CFAP77: variants seen among roughly 807,000 people sequenced by gnomAD.
CFAP77 encodes the protein cilia and flagella associated protein 77, also known as cilia- and flagella-associated protein 77.
A neutral mutation model predicts 31.1 loss-of-function variants in CFAP77; 25 were observed. That is an observed-to-expected ratio of 0.80 (90% CI 0.59 to 1.12). CFAP77 has a LOEUF of 1.12. Ranked by LOEUF, CFAP77 falls within the 50% of genes most tolerant of loss-of-function variation. CFAP77 has a pLI of 0.00. For missense variants in CFAP77, 377 were observed against 397.3 expected (o/e 0.95, Z 0.44); for synonymous variants, 151 against 159.9 (o/e 0.94, Z 0.42).
chr9:132,486,014 A>ATATATATATGTATG (rs1564222917), intron 1 of CFAP77, among the ~76,000 whole-genome samples: 4 of 15,132 alleles, frequency 2.6e-4, no homozygotes, highest in Admixed American at 1.0e-3. Context: ...ATATATATAT[A>ATATATATATGTATG]TATATATATA....
chr9:132,483,168 G>A (rs944130186), intron 1 of CFAP77, among the ~76,000 whole-genome samples: 1 of 152,116 alleles, frequency 6.6e-6, no homozygotes, highest in Non-Finnish European at 1.5e-5. Flanking sequence ...CTACTCAGGA[G>A]GCTGAGGCAG....
At chr9:132,474,361 C>T (rs1851311976) in intron 1 of CFAP77, among the ~76,000 whole-genome samples, 2 of 152,144 alleles carry the variant, frequency 1.3e-5, no homozygotes, top group Admixed American at 6.5e-5. Flanking sequence ...CACTCGTTCA[C>T]CCAAACACGT....
At chr9:132,463,830 C>T (rs893072534) in intron 1 of CFAP77, among the ~76,000 whole-genome samples, 4 of 152,202 alleles carry the variant, frequency 2.6e-5, no homozygotes, top group Non-Finnish European at 4.4e-5. Flanking sequence ...GCTATCTGTG[C>T]ATGGGGCTGC....
chr9:132,515,995 G>C (rs1025493886), intron 3 of CFAP77, among the ~76,000 whole-genome samples: 1 of 152,170 alleles, frequency 6.6e-6, no homozygotes, highest in Non-Finnish European at 1.5e-5. Context: ...TGAGCCTGCA[G>C]AGGCCTGGCA....
At chr9:132,504,977 C>T (rs1193495473) in intron 3 of CFAP77, among the ~76,000 whole-genome samples, 1 of 152,222 alleles carries the variant, frequency 6.6e-6, no homozygotes, top group Non-Finnish European at 1.5e-5. Flanking sequence ...TCCGATTACA[C>T]CCGACAGAGG....
chr9:132,553,337 C>T (rs367556600), intron 5 of CFAP77, among the ~76,000 whole-genome samples: 1 of 152,166 alleles, frequency 6.6e-6, no homozygotes, highest in African/African-American at 2.4e-5. Context: ...CATGGTGGCT[C>T]CCACTTGTAA....
intron 5 of CFAP77, among the ~76,000 whole-genome samples, chr9:132,556,554 A>G (rs1480554272): frequency 6.6e-6 from 1 of 152,172 alleles, no homozygotes; most frequent in Non-Finnish European, 1.5e-5. Context: ...AAAGTCTGGA[A>G]AACACACACA....
At chr9:132,437,094 T>C (rs1850515826) in intron 1 of CFAP77, among the ~76,000 whole-genome samples, 1 of 152,130 alleles carries the variant, frequency 6.6e-6, no homozygotes, top group Non-Finnish European at 1.5e-5. Flanking sequence ...CTGACTTCTG[T>C]GTCATGTGCA....
At chr9:132,423,873 C>T (rs996719716) in intron 1 of CFAP77, among the ~76,000 whole-genome samples, 5 of 152,158 alleles carry the variant, frequency 3.3e-5, no homozygotes, top group East Asian at 1.9e-4. Context: ...CCACACTGCC[C>T]GTTACCCTGG....
intron 3 of CFAP77, among the ~76,000 whole-genome samples, chr9:132,524,331 T>C (rs1852318138): frequency 6.6e-6 from 1 of 151,396 alleles, no homozygotes; most frequent in African/African-American, 2.4e-5. Context: ...TCAGGCACTG[T>C]GGTTCATGCC....
chr9:132,481,958 T>C lies in CFAP77; in HGVS notation c.196-16737T>C, dbSNP rs111732174. Among the ~76,000 whole-genome samples the C allele has an allele frequency of 9.0e-3, 271 of 30,024 alleles. 3 individuals carry two copies. The highest frequency in any genetic ancestry group is 0.053 in the Middle Eastern group (2 of 38). 19.7% of individuals were successfully genotyped at this position (30,024 alleles called of 152,430 possible). A position where few individuals can be genotyped will look rare whatever the true frequency, so the allele number is the denominator to read the frequency against. On this transcript the variant is annotated intron_variant, in intron 1 of 5. Transcript: ENST00000393216. This position sits in a 1 kb window ranked among gnomAD's most constrained non-coding sequence, Gnocchi z 5.0. ...CTCAGGAAGGAACAAGGGTTTATGG[T>C]TGGGGGGGGGGGGGGCGGCGGAACA...
chr9:132,514,047 C>G (rs11243804), intron 3 of CFAP77, among the ~76,000 whole-genome samples: 11,770 of 72,356 alleles, frequency 0.16, 1,765 homozygotes, highest in East Asian at 0.32. Flanking sequence ...GTGAGGAGAT[C>G]CCCCCGTCTT....
At chr9:132,553,677 A>G (rs1852855141) in intron 5 of CFAP77, among the ~76,000 whole-genome samples, 2 of 152,210 alleles carry the variant, frequency 1.3e-5, no homozygotes, top group South Asian at 4.1e-4. Flanking sequence ...ATTGCACCCC[A>G]GGGCAGAGTT....
intron 3 of CFAP77, among the ~76,000 whole-genome samples, chr9:132,525,321 C>T (rs1028790936): frequency 2.6e-5 from 4 of 152,052 alleles, no homozygotes; most frequent in African/African-American, 9.7e-5. Context: ...CGCTCGGCCC[C>T]AGTATGATAG....
At chr9:132,530,471 C>T (rs533121622) in intron 3 of CFAP77, among the ~76,000 whole-genome samples, 7 of 152,224 alleles carry the variant, frequency 4.6e-5, no homozygotes, top group Non-Finnish European at 7.4e-5. Flanking sequence ...GACGAGGTTT[C>T]ACCATGTTGG....
chr9:132,536,949 T>C (rs1852554250), intron 3 of CFAP77, among the ~76,000 whole-genome samples: 1 of 152,102 alleles, frequency 6.6e-6, no homozygotes, highest in South Asian at 2.1e-4. Flanking sequence ...CTAGGGTAAG[T>C]GCTCCTTGGC....
chr9:132,547,346 GGCT>G (rs1852748940), intron 5 of CFAP77, among the ~76,000 whole-genome samples: 1 of 152,202 alleles, frequency 6.6e-6, no homozygotes, highest in African/African-American at 2.4e-5. Context: ...CCCCTGGCTA[GGCT>G]GCTGGGAGGA....
At position 132,490,798 on chromosome 9, in the gene CFAP77, TCCTCCGTCATTTTGTTC is replaced by T. The variant is rs1851640503; in HGVS notation, c.196-7896_196-7880del. The stretch of plus-strand genomic sequence containing the variant: ...AGTCACTTTAGTCCTGAACAGCAGC[TCCTCCGTCATTTTGTTC>T]AACATTGTTATAATGTTGATGAGAA... On this transcript the variant is annotated intron_variant, in intron 1 of 5. Transcript: ENST00000393216. The surrounding 1 kb of genome is among the most constrained non-coding windows in gnomAD (Gnocchi z 4.6). 6.6e-6 allele frequency among the ~76,000 whole-genome samples: 1 copy of T among 152,164 alleles called. No individual in the cohort carries two copies. The highest frequency in any genetic ancestry group is 2.4e-5 in the African/African-American group (1 of 41,434).
intron 1 of CFAP77, among the ~76,000 whole-genome samples, chr9:132,449,041 C>T (rs969919495): frequency 1.3e-5 from 2 of 152,062 alleles, no homozygotes; most frequent in African/African-American, 4.8e-5. Flanking sequence ...GGTAGGGCAC[C>T]GTGGAGGTGG....
Sources: gnomAD v4.1 joint callset for allele counts (sites outside exome capture counted in the v4.1 genomes callset) on GRCh38, gnomAD v4.1.1 for gene constraint, Gnocchi (gnomAD v3.1) non-coding constraint, MANE v1.5 for transcripts, NCBI Gene and HGNC (gene_info 2026-07-23, HGNC 2026-07-21) for gene names.